The following ZNF148 variants were observed in gnomAD, a reference collection of about 807,000 sequenced individuals.
ZNF148 encodes the protein zinc finger protein 148, also known as Beta-Enolase Repressor Factor-1.
Under a neutral mutation model 67.7 loss-of-function variants are expected in ZNF148, and 7 were observed. The observed-to-expected ratio is 0.10, with a 90% CI of 0.06 to 0.19. ZNF148 has a LOEUF of 0.19. ZNF148 is among the 10% of genes least tolerant of loss of function. ZNF148 has a pLI of 1.00. For missense variants in ZNF148, 583 were observed against 947.1 expected (o/e 0.62, Z 5.05); for synonymous variants, 333 against 330.7 (o/e 1.01, Z -0.08).
chr3:125,361,819 C>T (rs1019853795), intron 1 of ZNF148, among the ~76,000 whole-genome samples: 11 of 129,546 alleles, frequency 8.5e-5, no homozygotes, highest in Admixed American at 4.7e-4. Flanking sequence ...GGTGACAGAG[C>T]GAGACCCTGT....
chr3:125,251,417 C>A (rs1160881770), intron 7 of ZNF148, among the ~76,000 whole-genome samples: 1 of 152,048 alleles, frequency 6.6e-6, no homozygotes, highest in Non-Finnish European at 1.5e-5. Flanking sequence ...CGTCTAAGTG[C>A]CGTTTGAGGA....
chr3:125,341,784 T>C (rs968670777), intron 1 of ZNF148, among the ~76,000 whole-genome samples: 4 of 151,604 alleles, frequency 2.6e-5, no homozygotes, highest in African/African-American at 9.7e-5. Flanking sequence ...TACGTGAGCT[T>C]AGGAGTTCAA....
intron 1 of ZNF148, among the ~76,000 whole-genome samples, chr3:125,367,260 A>G (rs1027398894): frequency 1.3e-5 from 2 of 152,182 alleles, no homozygotes; most frequent in Non-Finnish European, 2.9e-5. Flanking sequence ...AGCCGTCTCA[A>G]ATAATCCTCT....
At chr3:125,340,857 G>A (rs1014319773) in intron 1 of ZNF148, among the ~76,000 whole-genome samples, 3 of 150,388 alleles carry the variant, frequency 2.0e-5, no homozygotes, top group East Asian at 1.9e-4. Context: ...GCGTAGTGGC[G>A]GGCGCCTGTA....
At chr3:125,324,998 C>A (rs1438920866) in intron 2 of ZNF148, among the ~76,000 whole-genome samples, 1 of 151,946 alleles carries the variant, frequency 6.6e-6, no homozygotes, top group Non-Finnish European at 1.5e-5. Context: ...GAAATGACAA[C>A]AGTAACAATA....
chr3:125,345,192 G>A (rs1346103712), intron 1 of ZNF148, among the ~76,000 whole-genome samples: 1 of 152,076 alleles, frequency 6.6e-6, no homozygotes, highest in Admixed American at 6.6e-5. Context: ...AACTGAAATG[G>A]TAACAGTGTA....
chr3:125,313,410 A>C lies in ZNF148; in HGVS notation c.231T>G (p.His77Gln). 1.2e-6 allele frequency: 2 copies of C among 1,614,100 alleles called. No individual in the cohort carries two copies. Among genetic ancestry groups the C allele is most frequent in the Non-Finnish European group, 1.7e-6 (2 of 1,180,002 alleles). ...SEMRQQDMIS[H>Q]DELMVHEETV... The stretch of plus-strand genomic sequence containing the variant: ...TCTCCTCATGGACCATGAGTTCATC[A>C]TGTGATATCATATCCTGTTGTCTCA... Residue 77 changes from histidine (H) to glutamine (Q), a missense_variant, in exon 4 of 9, where the codon CAT becomes CAG. Physicochemically the swap from His to Gln is conservative, Grantham distance 24 (BLOSUM62 0). Transcript: ENST00000360647.
At chr3:125,345,261 G>C (rs867383467) in intron 1 of ZNF148, among the ~76,000 whole-genome samples, 2 of 152,076 alleles carry the variant, frequency 1.3e-5, no homozygotes, top group Non-Finnish European at 2.9e-5. Flanking sequence ...TCTCTAAATA[G>C]AGCAATAAAC....
intron 5 of ZNF148, among the ~76,000 whole-genome samples, chr3:125,286,761 A>G (rs1938682297): frequency 6.6e-6 from 1 of 152,248 alleles, no homozygotes. Context: ...CAGCTAATTT[A>G]TTCTATATTA....
intron 4 of ZNF148, among the ~76,000 whole-genome samples, chr3:125,288,945 T>G (rs1262655341): frequency 6.6e-6 from 1 of 152,170 alleles, no homozygotes; most frequent in African/African-American, 2.4e-5. Flanking sequence ...TCTTCAATTT[T>G]CAGATCTTAA....
At chr3:125,349,308 A>G (rs1267518939) in intron 1 of ZNF148, among the ~76,000 whole-genome samples, 3 of 152,226 alleles carry the variant, frequency 2.0e-5, no homozygotes, top group African/African-American at 7.2e-5. Flanking sequence ...AAATGGGAAA[A>G]AATATTTGCA....
chr3:125,266,820 AAAG>A (rs1184463576), intron 7 of ZNF148, among the ~76,000 whole-genome samples: 1 of 152,100 alleles, frequency 6.6e-6, no homozygotes, highest in African/African-American at 2.4e-5. Flanking sequence ...CTAGATTAAC[AAAG>A]AAAAAGATTC....
intron 3 of ZNF148, among the ~76,000 whole-genome samples, chr3:125,314,391 C>G (rs1170720981): frequency 6.6e-6 from 1 of 152,172 alleles, no homozygotes; most frequent in Non-Finnish European, 1.5e-5. Flanking sequence ...AAAATCACTA[C>G]AGTAGTCAAT....
chr3:125,253,330 T>C (rs779403659), intron 7 of ZNF148, among the ~76,000 whole-genome samples: 3 of 152,236 alleles, frequency 2.0e-5, no homozygotes, highest in East Asian at 1.9e-4. Flanking sequence ...ACTGACCTTG[T>C]ATACAGTGAT....
intron 7 of ZNF148, among the ~76,000 whole-genome samples, chr3:125,239,608 T>C (rs963900802): frequency 6.6e-6 from 1 of 152,148 alleles, no homozygotes; most frequent in African/African-American, 2.4e-5. Context: ...GAAAACAGTT[T>C]TGCAGACCAT....
chr3:125,257,929 G>A lies in ZNF148; in HGVS notation c.667+19797C>T, dbSNP rs190192533. Among the ~76,000 whole-genome samples the A allele has an allele frequency of 3.9e-5, 6 of 152,204 alleles. No homozygotes were observed. The East Asian group carries it at 7.7e-4, about 20-fold the overall frequency. On this transcript the variant is annotated intron_variant, in intron 7 of 8. Transcript: ENST00000360647. ...CTTTATAGTGTTCCTTCTAGTCAGT[G>A]ACAAGCAAAGTACCAAAAACTGTAA...
chr3:125,371,043 C>G (rs1942862523), intron 1 of ZNF148, among the ~76,000 whole-genome samples: 1 of 152,044 alleles, frequency 6.6e-6, no homozygotes. Flanking sequence ...AATCCATTAC[C>G]TCCTAAAAAT....
chr3:125,231,529 TTC>T lies in ZNF148; in HGVS notation c.*810_*811del, dbSNP rs1282610230. ...TTCTTGGGAATGTAATCTACAGAAT[TTC>T]TTTTACTAAAACTTCAAAACCTTGA... On this transcript the variant is annotated 3_prime_UTR_variant, in exon 9 of 9. Transcript: ENST00000360647. The T allele has an allele frequency of 6.6e-6, 1 of 152,536 alleles. No individual in the cohort carries two copies. The highest frequency in any genetic ancestry group is 1.9e-4 in the East Asian group (1 of 5,198). The allele number at this position is 152,536 out of a possible 1,614,324, so 9.4% of individuals were successfully genotyped here. A position where few individuals can be genotyped will look rare whatever the true frequency, so the allele number is the denominator to read the frequency against.
intron 4 of ZNF148, chr3:125,292,931 T>C (rs1939091397): frequency 6.6e-6 from 1 of 152,202 alleles, no homozygotes; most frequent in African/African-American, 2.4e-5. Context: ...CAGATATGCA[T>C]TATATCCAGT....
Sources: allele counts gnomAD v4.1 joint callset (sites outside exome capture counted in the v4.1 genomes callset), GRCh38; gene constraint gnomAD v4.1.1; transcripts MANE v1.5; gene names NCBI Gene and HGNC (gene_info 2026-07-23, HGNC 2026-07-21).